Variants in ACYP2 observed in about 807,000 individuals in gnomAD.
ACYP2 encodes the protein acylphosphatase-2.
ACYP2 carries 12 observed loss-of-function variants against 11.2 expected under a neutral mutation model. That is an observed-to-expected ratio of 1.08 (90% CI 0.69 to 1.74). The LOEUF is 1.74. ACYP2 is among the 40% of genes most tolerant of loss of function. The probability of loss-of-function intolerance (pLI) is 0.00; values close to 1 mark genes in which losing one functional copy is unlikely to be tolerated. For synonymous variants in ACYP2, 43 were observed against 32.2 expected, an observed-to-expected ratio of 1.33 and a Z score of -1.13; for missense variants, 134 against 101.9, an observed-to-expected ratio of 1.31 and a Z score of -1.35.
At position 54,243,134 on chromosome 2, in the gene ACYP2, A is replaced by T. The variant is rs186351909; in HGVS notation, c.405-61554A>T. On this transcript the variant is annotated intron_variant, in intron 6 of 6. Coordinates refer to ENST00000607452, the MANE Select transcript of ACYP2 (RefSeq NM_001320586.2). ...AAGTTTGACATTTTTCGTTTGAAAA[A>T]TTTTTTTTGTCATGTAGATTGAAAA... Among the ~76,000 whole-genome samples, 103 of 152,022 alleles carry T rather than the reference A, an allele frequency of 6.8e-4. No homozygotes were observed. The Middle Eastern group carries it at 0.02, about 30-fold the overall frequency.
At chr2:54,242,234 G>A (rs964553927) in intron 6 of ACYP2, among the ~76,000 whole-genome samples, 1 of 152,184 alleles carries the variant, frequency 6.6e-6, no homozygotes, top group African/African-American at 2.4e-5. Context: ...TGCAGCAGTT[G>A]CAGTTTTGTC....
intron 6 of ACYP2, among the ~76,000 whole-genome samples, chr2:54,249,683 C>T (rs1223215298): frequency 6.6e-6 from 1 of 152,036 alleles, no homozygotes; most frequent in African/African-American, 2.4e-5. Flanking sequence ...TGGCTCATGC[C>T]TAAAATCCCA....
At chr2:54,018,953 C>A (rs1037606688) in intron 2 of ACYP2, among the ~76,000 whole-genome samples, 1 of 152,018 alleles carries the variant, frequency 6.6e-6, no homozygotes. Context: ...TCACTAAGGC[C>A]AAGCTGGTCT....
chr2:54,084,939 G>T (rs1036289422), intron 4 of ACYP2: 1 of 152,200 alleles, frequency 6.6e-6, no homozygotes. Flanking sequence ...TTTATTAGAT[G>T]TGATGATGGT....
At chr2:54,016,660 T>C (rs954016875) in intron 2 of ACYP2, among the ~76,000 whole-genome samples, 2 of 151,630 alleles carry the variant, frequency 1.3e-5, no homozygotes, top group African/African-American at 4.8e-5. Context: ...TTATAAACAA[T>C]AGAAATTTAT....
intron 4 of ACYP2, among the ~76,000 whole-genome samples, chr2:54,130,434 C>G (rs1044794675): frequency 6.6e-6 from 1 of 152,152 alleles, no homozygotes; most frequent in African/African-American, 2.4e-5. Flanking sequence ...GAATACATTT[C>G]ATTTCCAGTG....
chr2:54,173,086 G>A (rs972866676), intron 6 of ACYP2, among the ~76,000 whole-genome samples: 17 of 152,150 alleles, frequency 1.1e-4, no homozygotes, highest in Admixed American at 1.1e-3. Context: ...TATGTCAAAT[G>A]GTATTTCTAC....
chr2:54,298,044 T>C (rs1325538906), intron 6 of ACYP2, among the ~76,000 whole-genome samples: 1 of 152,192 alleles, frequency 6.6e-6, no homozygotes, highest in East Asian at 1.9e-4. Context: ...CTAATGGACA[T>C]TAAAATATAT....
intron 4 of ACYP2, among the ~76,000 whole-genome samples, chr2:54,118,784 AGAGTACATGCCCACTATT>A (rs1287650127): frequency 1.3e-5 from 2 of 152,360 alleles, no homozygotes; most frequent in East Asian, 3.9e-4. Context: ...TAAATGGAAG[AGAGTACATGCCCACTATT>A]GATCAAGGCA....
intron 2 of ACYP2, among the ~76,000 whole-genome samples, chr2:53,990,124 A>G (rs773127710): frequency 6.6e-6 from 1 of 151,420 alleles, no homozygotes; most frequent in African/African-American, 2.4e-5. Context: ...GTCTACAGGC[A>G]TGCACCACTA....
intron 6 of ACYP2, among the ~76,000 whole-genome samples, chr2:54,250,039 C>T (rs1377448249): frequency 6.6e-6 from 1 of 151,812 alleles, no homozygotes; most frequent in Non-Finnish European, 1.5e-5. Flanking sequence ...GAGCCCCCAA[C>T]CCCTGACATG....
intron 6 of ACYP2, among the ~76,000 whole-genome samples, chr2:54,170,411 C>T (rs149926853): frequency 0.011 from 1,642 of 152,260 alleles, 39 homozygotes; most frequent in African/African-American, 0.038. Flanking sequence ...CCTCCGCCTC[C>T]CAAAGTGCTG....
chr2:54,105,222 C>T (rs2103708519), intron 4 of ACYP2, among the ~76,000 whole-genome samples: 2 of 152,232 alleles, frequency 1.3e-5, no homozygotes, highest in South Asian at 4.2e-4. Context: ...TGACCTTTCT[C>T]CTTGCCTTGA....
chr2:53,985,686 A>G (rs1052525590), intron 2 of ACYP2, among the ~76,000 whole-genome samples: 3 of 152,134 alleles, frequency 2.0e-5, no homozygotes, highest in Non-Finnish European at 2.9e-5. Context: ...TCATGTTGCA[A>G]TTTAATCCTC....
chr2:54,280,612 T>G (rs1474964072), intron 6 of ACYP2, among the ~76,000 whole-genome samples: 3 of 152,136 alleles, frequency 2.0e-5, no homozygotes, highest in Non-Finnish European at 4.4e-5. Flanking sequence ...AAAAGGGTAG[T>G]GTCCCAAAAG....
At chr2:53,985,615 G>A (rs1226086416) in intron 2 of ACYP2, among the ~76,000 whole-genome samples, 1 of 152,176 alleles carries the variant, frequency 6.6e-6, no homozygotes, top group African/African-American at 2.4e-5. Context: ...TGGATAAACT[G>A]TGTTTATGTT....
intron 4 of ACYP2, among the ~76,000 whole-genome samples, chr2:54,086,075 C>G (rs1677931105): frequency 6.6e-6 from 1 of 152,140 alleles, no homozygotes; most frequent in African/African-American, 2.4e-5. Context: ...TCCAGAGTAG[C>G]TGGGATTACA....
At chr2:54,231,211 C>G (rs1332427364) in intron 6 of ACYP2, among the ~76,000 whole-genome samples, 3 of 152,148 alleles carry the variant, frequency 2.0e-5, no homozygotes, top group Non-Finnish European at 4.4e-5. Context: ...GTACCCTGAC[C>G]ACCTTGGGCA....
intron 6 of ACYP2, among the ~76,000 whole-genome samples, chr2:54,304,218 C>CTG (rs10531789): frequency 0.14 from 20,898 of 149,224 alleles, 1,717 homozygotes; most frequent in Admixed American, 0.22. Flanking sequence ...ATATATATGT[C>CTG]TGTGTGTGTG....
Sources: gnomAD v4.1 joint callset for allele counts (sites outside exome capture counted in the v4.1 genomes callset) on GRCh38, gnomAD v4.1.1 for gene constraint, MANE v1.5 for transcripts, NCBI Gene and HGNC (gene_info 2026-07-23, HGNC 2026-07-21) for gene names.